The following CLEC16A variants were observed in gnomAD, a reference collection of about 807,000 sequenced individuals.
CLEC16A encodes the protein protein CLEC16A.
A neutral mutation model predicts 109.5 loss-of-function variants in CLEC16A; 51 were observed. That is an observed-to-expected ratio of 0.47 (90% CI 0.37 to 0.59). The LOEUF (loss-of-function observed/expected upper bound fraction) is 0.59. Ranked by LOEUF, CLEC16A falls within the 20% of genes least tolerant of loss-of-function variation. The probability of loss-of-function intolerance (pLI) is 0.00; values close to 1 mark genes in which losing one functional copy is unlikely to be tolerated. For synonymous variants in CLEC16A, 673 were observed against 564.2 expected (o/e 1.19, Z -2.73); for missense variants, 1,339 against 1,394.0 (o/e 0.96, Z 0.63).
chr16:11,127,428 T>A (rs7201415), intron 22 of CLEC16A, among the ~76,000 whole-genome samples: 41 of 152,086 alleles, frequency 2.7e-4, no homozygotes, highest in African/African-American at 8.4e-4. Flanking sequence ...TGCAAATTTC[T>A]CATGTCTGTG....
chr16:11,148,013 T>G (rs1362396719), intron 22 of CLEC16A, among the ~76,000 whole-genome samples: 1 of 152,232 alleles, frequency 6.6e-6, no homozygotes. Context: ...TAAAATAGCC[T>G]CCTGTTTCCT....
intron 19 of CLEC16A, among the ~76,000 whole-genome samples, chr16:11,105,104 G>A (rs1362202653): frequency 6.6e-6 from 1 of 152,156 alleles, no homozygotes; most frequent in African/African-American, 2.4e-5. Flanking sequence ...ATTTACTCAT[G>A]CTAAACAGGG....
At chr16:10,978,890 A>G (rs923582809) in intron 8 of CLEC16A, among the ~76,000 whole-genome samples, 2 of 152,138 alleles carry the variant, frequency 1.3e-5, no homozygotes, top group African/African-American at 4.8e-5. Context: ...TGTGAAATGG[A>G]GCATCTTGAA....
At chr16:11,104,290 A>G (rs951813607) in intron 19 of CLEC16A, among the ~76,000 whole-genome samples, 48 of 148,690 alleles carry the variant, frequency 3.2e-4, no homozygotes, top group Non-Finnish European at 6.4e-4. Flanking sequence ...TTTTTTATTA[A>G]AATTATCTCC....
intron 22 of CLEC16A, among the ~76,000 whole-genome samples, chr16:11,156,042 G>A (rs1056815360): frequency 1.3e-5 from 2 of 152,136 alleles, no homozygotes; most frequent in Non-Finnish European, 2.9e-5. Flanking sequence ...TGGGGCTGAT[G>A]GGATAAGAGA....
intron 22 of CLEC16A, among the ~76,000 whole-genome samples, chr16:11,158,672 C>G (rs1025783734): frequency 2.6e-5 from 4 of 151,486 alleles, no homozygotes; most frequent in Non-Finnish European, 1.5e-5. Flanking sequence ...CCTGTAATCC[C>G]AGGACTTTGG....
chr16:11,125,914 CAAA>C, intron 21 of CLEC16A, 62 bp from the exon 22 acceptor site: 1 of 209,214 alleles, frequency 4.8e-6, no homozygotes, highest in Non-Finnish European at 9.3e-6. Flanking sequence ...TCCCCCCCCC[CAAA>C]TTCTCACCAC....
At chr16:10,989,388 CTTTTGTTTTT>C (rs1335510074) in intron 10 of CLEC16A, among the ~76,000 whole-genome samples, 1 of 151,808 alleles carries the variant, frequency 6.6e-6, no homozygotes, top group Admixed American at 6.6e-5. Flanking sequence ...GCCCAGATAA[CTTTTGTTTTT>C]TTTTGTTTTT....
chr16:11,071,620 A>G (rs1195507026), intron 19 of CLEC16A, among the ~76,000 whole-genome samples: 3 of 147,494 alleles, frequency 2.0e-5, no homozygotes, highest in Non-Finnish European at 4.5e-5. Flanking sequence ...TTTTTTTTTA[A>G]GAGATGGGAT....
chr16:10,972,311 T>TGGCAACTAGCCAACGTGGCA (rs1323596972), intron 5 of CLEC16A, among the ~76,000 whole-genome samples: 1 of 152,220 alleles, frequency 6.6e-6, no homozygotes, highest in Non-Finnish European at 1.5e-5. Context: ...GCTGGACCTC[T>TGGCAACTAGCCAACGTGGCA]GGCAACTAGC....
chr16:11,127,220 C>T (rs1185431854), intron 22 of CLEC16A, among the ~76,000 whole-genome samples: 1 of 152,146 alleles, frequency 6.6e-6, no homozygotes, highest in Non-Finnish European at 1.5e-5. Flanking sequence ...TGATGCTGCA[C>T]CTTGCTACTT....
chr16:11,082,196 A>C (rs1365299581), intron 19 of CLEC16A, among the ~76,000 whole-genome samples: 1 of 152,206 alleles, frequency 6.6e-6, no homozygotes, highest in Non-Finnish European at 1.5e-5. Flanking sequence ...CTGTGTGCAC[A>C]CGTGAGTGTG....
Position 11,003,098 on chromosome 16 carries a change from A to G in CLEC16A, c.1096A>G (p.Ile366Val), listed in dbSNP as rs376930549. ...SSAKPSIRCF[I>V]KPTETLERSL... ...GGCCAAGCCCAGCATTCGGTGCTTC[A>G]TTAAACCCACCGAGACACTCGAGCG... Residue 366 changes from isoleucine to valine, a missense_variant, in exon 11 of 24, where the codon ATT (isoleucine) becomes GTT (valine). Around this residue, in one of 3 missense-constraint regions of CLEC16A, gnomAD observed 1,061 missense variants for 1,006.8 expected, o/e 1.05. Transcript: ENST00000409790. 3 of 1,612,546 alleles carry G rather than the reference A, an allele frequency of 1.9e-6. No homozygotes were observed. The highest frequency in any genetic ancestry group is 3.3e-5 in the Admixed American group (2 of 59,796).
At chr16:10,950,800 A>T (rs1377363883) in intron 1 of CLEC16A, among the ~76,000 whole-genome samples, 8 of 152,162 alleles carry the variant, frequency 5.3e-5, no homozygotes, top group African/African-American at 1.9e-4. Flanking sequence ...AGACATTGTT[A>T]TTTGGAGCTG....
chr16:10,991,884 C>G (rs192726684), intron 10 of CLEC16A, among the ~76,000 whole-genome samples: 62 of 152,332 alleles, frequency 4.1e-4, no homozygotes, highest in African/African-American at 1.5e-3. Context: ...TCTGGGCATT[C>G]CAGCAGAGTT....
rs11646329 is a variant in CLEC16A, at chr16:11,155,836, T to G, written c.2642-10552T>G. Among the ~76,000 whole-genome samples, 707 of 152,238 alleles carry G rather than the reference T, an allele frequency of 4.6e-3. 1 individual carries two copies. Among genetic ancestry groups the G allele is most frequent in the Middle Eastern group, 0.027 (8 of 294 alleles). The stretch of plus-strand genomic sequence containing the variant: ...GGCGAACACAAGCAAATGGAATGGG[T>G]CCACAGGCATGGTGCTCTCTGCCTT... On this transcript the variant is annotated intron_variant, in intron 22 of 23. Transcript: ENST00000409790.
At chr16:11,109,956 TA>T (rs2051472824) in intron 19 of CLEC16A, among the ~76,000 whole-genome samples, 1 of 152,238 alleles carries the variant, frequency 6.6e-6, no homozygotes, top group African/African-American at 2.4e-5. Context: ...ACTTGCATTC[TA>T]AATGCAGCTG....
chr16:11,022,553 C>G (rs760168250), intron 12 of CLEC16A, among the ~76,000 whole-genome samples: 1 of 151,892 alleles, frequency 6.6e-6, no homozygotes, highest in African/African-American at 2.4e-5. Flanking sequence ...AAAAAACAGA[C>G]TGTTTTTATA....
At chr16:11,164,049 G>A (rs190867540) in intron 22 of CLEC16A, among the ~76,000 whole-genome samples, 10 of 152,234 alleles carry the variant, frequency 6.6e-5, no homozygotes, top group East Asian at 1.9e-4. Context: ...TGGATTTGCC[G>A]GATGTTTGCC....
Sources: gnomAD v4.1 joint callset for allele counts (sites outside exome capture counted in the v4.1 genomes callset) on GRCh38, gnomAD v4.1.1 for gene constraint, gnomAD v4.1.1 regional missense constraint, MANE v1.5 for transcripts, NCBI Gene and HGNC (gene_info 2026-07-23, HGNC 2026-07-21) for gene names.